ADAMTS6: variants seen among roughly 807,000 people sequenced by gnomAD.
ADAMTS6 encodes ADAM metallopeptidase with thrombospondin type 1 motif 6, also known as A disintegrin and metalloproteinase with thrombospondin motifs 6.
Under a neutral mutation model 144.3 loss-of-function variants are expected in ADAMTS6, and 23 were observed. That is an observed-to-expected ratio of 0.16 (90% CI 0.11 to 0.23). The LOEUF (loss-of-function observed/expected upper bound fraction) is 0.23. ADAMTS6 is among the 10% of genes least tolerant of loss of function. The pLI is 1.00. For missense variants in ADAMTS6, 999 were observed against 1,379.6 expected (o/e 0.72, Z 4.37); for synonymous variants, 444 against 457.5 (o/e 0.97, Z 0.38).
intron 9 of ADAMTS6, among the ~76,000 whole-genome samples, chr5:65,312,197 G>T (rs1001869156): frequency 6.6e-6 from 1 of 151,830 alleles, no homozygotes; most frequent in African/African-American, 2.4e-5. Context: ...TTTTTAAAAT[G>T]ATGAGACAAT....
chr5:65,359,252 A>G (rs555986626), intron 7 of ADAMTS6, among the ~76,000 whole-genome samples: 4 of 152,192 alleles, frequency 2.6e-5, no homozygotes, highest in Non-Finnish European at 5.9e-5. Context: ...GGCAAATGAT[A>G]TGAACGACAT....
At chr5:65,240,185 T>G (rs1472013192) in intron 15 of ADAMTS6, among the ~76,000 whole-genome samples, 1 of 151,918 alleles carries the variant, frequency 6.6e-6, no homozygotes, top group African/African-American at 2.4e-5. Flanking sequence ...TTTTTTTTTT[T>G]AAGAGAACTC....
In ADAMTS6 at chr5:65,444,391, A is replaced by G. The variant is rs1001453260; in HGVS notation, c.1073+7084T>C. Among the ~76,000 whole-genome samples, 6 of 152,212 alleles carry G rather than the reference A, an allele frequency of 3.9e-5. No homozygotes were observed. The East Asian group carries it at 7.7e-4, about 20-fold the overall frequency. On this transcript the variant is annotated intron_variant, in intron 7 of 24. Coordinates refer to ENST00000381055, the MANE Select transcript of ADAMTS6 (RefSeq NM_197941.4). ...CACACACAAAAAGCTATTAAAACCA[A>G]TAAATGAACTTAGCAAGGTTACAGG...
At chr5:65,370,398 G>A (rs4700677) in intron 7 of ADAMTS6, among the ~76,000 whole-genome samples, 8,197 of 152,224 alleles carry the variant, frequency 0.054, 274 homozygotes, top group East Asian at 0.11. Flanking sequence ...CAGACAGCGC[G>A]CGCAGGTCAG....
intron 7 of ADAMTS6, among the ~76,000 whole-genome samples, chr5:65,376,044 A>C (rs963324919): frequency 6.8e-6 from 1 of 147,372 alleles, no homozygotes; most frequent in Admixed American, 6.8e-5. Flanking sequence ...TCTCACTCAT[A>C]GGTGGGAATT....
chr5:65,240,564 G>A (rs1759088245), intron 15 of ADAMTS6, among the ~76,000 whole-genome samples: 1 of 152,042 alleles, frequency 6.6e-6, no homozygotes, highest in East Asian at 1.9e-4. Context: ...TCATGACAGT[G>A]GAGCCCTCCG....
intron 24 of ADAMTS6, among the ~76,000 whole-genome samples, chr5:65,163,908 A>G (rs748860444): frequency 4.6e-5 from 7 of 152,258 alleles, no homozygotes; most frequent in Non-Finnish European, 7.3e-5. Flanking sequence ...AAAAGAATAA[A>G]GAAATTACTT....
At chr5:65,398,844 G>GAA (rs1296873586) in intron 7 of ADAMTS6, among the ~76,000 whole-genome samples, 19 of 133,208 alleles carry the variant, frequency 1.4e-4, no homozygotes, top group African/African-American at 5.6e-4. Flanking sequence ...AAGAAAGAAA[G>GAA]AAAGAAAAAG....
chr5:65,403,659 G>C (rs1344814124), intron 7 of ADAMTS6, among the ~76,000 whole-genome samples: 1 of 152,014 alleles, frequency 6.6e-6, no homozygotes, highest in African/African-American at 2.4e-5. Flanking sequence ...GAGACAACTA[G>C]TTACCATGTA....
At chr5:65,322,246 T>G (rs1273056601) in intron 9 of ADAMTS6, among the ~76,000 whole-genome samples, 2 of 152,226 alleles carry the variant, frequency 1.3e-5, no homozygotes, top group Non-Finnish European at 2.9e-5. Context: ...CTTGTACCAG[T>G]ACCATGCTGT....
chr5:65,391,699 A>G (rs1752927990), intron 7 of ADAMTS6, among the ~76,000 whole-genome samples: 1 of 151,020 alleles, frequency 6.6e-6, no homozygotes, highest in African/African-American at 2.4e-5. Flanking sequence ...CTCTTTTAAC[A>G]TGGAATATTT....
At chr5:65,356,410 T>C (rs1749328820) in intron 7 of ADAMTS6, among the ~76,000 whole-genome samples, 1 of 151,850 alleles carries the variant, frequency 6.6e-6, no homozygotes. Flanking sequence ...GGTGTATCAT[T>C]GAACCTCTCC....
At chr5:65,367,547 G>T (rs1227620009) in intron 7 of ADAMTS6, among the ~76,000 whole-genome samples, 1 of 152,120 alleles carries the variant, frequency 6.6e-6, no homozygotes, top group African/African-American at 2.4e-5. Flanking sequence ...ACCTTGCCCA[G>T]GATCACACTA....
At chr5:65,375,650 T>C (rs897571781) in intron 7 of ADAMTS6, among the ~76,000 whole-genome samples, 1 of 152,076 alleles carries the variant, frequency 6.6e-6, no homozygotes, top group African/African-American at 2.4e-5. Context: ...GGAACACTTT[T>C]ACACTGTTGG....
intron 9 of ADAMTS6, among the ~76,000 whole-genome samples, chr5:65,319,923 A>G (rs1455102937): frequency 6.6e-6 from 1 of 152,192 alleles, no homozygotes; most frequent in Non-Finnish European, 1.5e-5. Flanking sequence ...GGCTCACTGC[A>G]ACCTCTGCCT....
At chr5:65,428,107 T>C (rs967975920) in intron 7 of ADAMTS6, among the ~76,000 whole-genome samples, 1 of 151,580 alleles carries the variant, frequency 6.6e-6, no homozygotes, top group Non-Finnish European at 1.5e-5. Context: ...GTGCCTATAG[T>C]CTCAGCTACT....
At chr5:65,267,698 G>A (rs1761729958) in intron 12 of ADAMTS6, among the ~76,000 whole-genome samples, 1 of 151,976 alleles carries the variant, frequency 6.6e-6, no homozygotes, top group Non-Finnish European at 1.5e-5. Context: ...ATGAGTATAT[G>A]CAGTATTTAA....
chr5:65,262,245 C>T (rs1378051983), intron 13 of ADAMTS6, among the ~76,000 whole-genome samples: 1 of 152,122 alleles, frequency 6.6e-6, no homozygotes, highest in Non-Finnish European at 1.5e-5. Flanking sequence ...TGCAGTCTGA[C>T]CTGCATAAAA....
At chr5:65,310,695 CAT>C (rs1196916637) in intron 9 of ADAMTS6, among the ~76,000 whole-genome samples, 3 of 151,990 alleles carry the variant, frequency 2.0e-5, no homozygotes, top group South Asian at 4.2e-4. Flanking sequence ...CAGAATGAAA[CAT>C]ATTTTAAAGT....
Sources: gnomAD v4.1 joint callset for allele counts (sites outside exome capture counted in the v4.1 genomes callset) on GRCh38, gnomAD v4.1.1 for gene constraint, MANE v1.5 for transcripts, NCBI Gene and HGNC (gene_info 2026-07-23, HGNC 2026-07-21) for gene names.